The following PCDH15 variants were observed in gnomAD, a reference collection of about 807,000 sequenced individuals.
The protein encoded by PCDH15 is protocadherin-15.
A neutral mutation model predicts 178.5 loss-of-function variants in PCDH15; 129 were observed. The observed-to-expected ratio is 0.72, with a 90% confidence interval of 0.63 to 0.84. The LOEUF (loss-of-function observed/expected upper bound fraction) is 0.84. Ranked by LOEUF, PCDH15 falls within the 40% of genes least tolerant of loss-of-function variation. The probability of loss-of-function intolerance (pLI) is 0.00; values close to 1 mark genes in which losing one functional copy is unlikely to be tolerated. For synonymous variants in PCDH15, 800 were observed against 732.0 expected, an observed-to-expected ratio of 1.09 and a Z score of -1.50; for missense variants, 2,230 against 2,099.9, an observed-to-expected ratio of 1.06 and a Z score of -1.21.
intron 2 of PCDH15, among the ~76,000 whole-genome samples, chr10:55,569,214 A>G (rs150914177): frequency 1.3e-5 from 2 of 152,190 alleles, no homozygotes; most frequent in African/African-American, 4.8e-5. Flanking sequence ...CATTTAAAAG[A>G]AGTATATGGT....
intron 8 of PCDH15, among the ~76,000 whole-genome samples, chr10:54,273,665 A>T (rs2058177588): frequency 6.6e-6 from 1 of 152,162 alleles, no homozygotes; most frequent in Admixed American, 6.6e-5. Flanking sequence ...TCCTTCCAAA[A>T]GTATAGACTT....
intron 17 of PCDH15, among the ~76,000 whole-genome samples, chr10:54,067,716 G>T (rs1164792196): frequency 6.6e-6 from 1 of 151,394 alleles, no homozygotes; most frequent in Non-Finnish European, 1.5e-5. Flanking sequence ...ATATTAACCT[G>T]GAAAGTAAGA....
chr10:54,421,979 G>C (rs1955582845), intron 3 of PCDH15, among the ~76,000 whole-genome samples: 2 of 141,868 alleles, frequency 1.4e-5, no homozygotes, highest in Non-Finnish European at 3.0e-5. Flanking sequence ...GGAGGGCATT[G>C]TTAATCCTTT....
chr10:55,213,423 G>A (rs1840620237), intron 1 of PCDH15, among the ~76,000 whole-genome samples: 3 of 151,972 alleles, frequency 2.0e-5, no homozygotes, highest in African/African-American at 7.3e-5. Flanking sequence ...GATTAAAACA[G>A]TTACCAGGGG....
At chr10:54,938,919 T>C (rs982125024) in intron 2 of PCDH15, among the ~76,000 whole-genome samples, 1 of 152,126 alleles carries the variant, frequency 6.6e-6, no homozygotes, top group Admixed American at 6.6e-5. Flanking sequence ...GTGGCTAGCA[T>C]CTAGATTCTG....
intron 2 of PCDH15, among the ~76,000 whole-genome samples, chr10:55,406,368 C>G (rs1440312684): frequency 6.6e-6 from 1 of 151,938 alleles, no homozygotes; most frequent in African/African-American, 2.4e-5. Context: ...TGAAATATTT[C>G]AAGTGACAAA....
intron 1 of PCDH15, among the ~76,000 whole-genome samples, chr10:55,205,828 T>C (rs1368581199): frequency 6.6e-6 from 1 of 152,090 alleles, no homozygotes; most frequent in Non-Finnish European, 1.5e-5. Flanking sequence ...GAAAGAGGTT[T>C]ATTGAACTTA....
At chr10:55,228,157 G>A (rs1414223607) in intron 1 of PCDH15, among the ~76,000 whole-genome samples, 1 of 152,008 alleles carries the variant, frequency 6.6e-6, no homozygotes, top group African/African-American at 2.4e-5. Flanking sequence ...ACCATGCTGA[G>A]GTGGGTGAAA....
At chr10:54,872,358 A>G (rs1954054581) in intron 3 of PCDH15, among the ~76,000 whole-genome samples, 2 of 152,134 alleles carry the variant, frequency 1.3e-5, no homozygotes, top group African/African-American at 4.8e-5. Context: ...TCTGAAAATA[A>G]AGGTCAAAAG....
intron 25 of PCDH15, among the ~76,000 whole-genome samples, chr10:53,911,360 C>G (rs909771108): frequency 3.3e-5 from 5 of 152,174 alleles, no homozygotes; most frequent in African/African-American, 1.2e-4. Flanking sequence ...TGAACGACTA[C>G]TGGGTAAATA....
chr10:54,194,502 T>C (rs2049367106), intron 11 of PCDH15, among the ~76,000 whole-genome samples: 1 of 151,982 alleles, frequency 6.6e-6, no homozygotes, highest in Admixed American at 6.6e-5. Flanking sequence ...AAGGGAGAAA[T>C]GAATGAATCA....
intron 21 of PCDH15, among the ~76,000 whole-genome samples, chr10:53,988,564 T>C (rs2091263016): frequency 6.6e-6 from 1 of 152,148 alleles, no homozygotes; most frequent in Non-Finnish European, 1.5e-5. Flanking sequence ...AGGACAAAGA[T>C]AAGACCAGGA....
intron 3 of PCDH15, among the ~76,000 whole-genome samples, chr10:54,861,819 C>T (rs1953848497): frequency 1.3e-5 from 2 of 152,278 alleles, no homozygotes; most frequent in South Asian, 4.1e-4. Context: ...CCAAAAGACT[C>T]CTACATCTAT....
chr10:54,426,723 G>A (rs534133188), intron 3 of PCDH15, among the ~76,000 whole-genome samples: 5 of 151,740 alleles, frequency 3.3e-5, no homozygotes, highest in African/African-American at 9.7e-5. Flanking sequence ...ACTTTTACAC[G>A]GCCCCTACTG....
At chr10:55,571,087 C>T (rs932013999) in intron 2 of PCDH15, among the ~76,000 whole-genome samples, 1 of 152,050 alleles carries the variant, frequency 6.6e-6, no homozygotes, top group African/African-American at 2.4e-5. Context: ...TGGATCATGG[C>T]AGGTGGCTCC....
intron 3 of PCDH15, among the ~76,000 whole-genome samples, chr10:54,451,658 A>C (rs149147032): frequency 6.6e-6 from 1 of 152,086 alleles, no homozygotes; most frequent in African/African-American, 2.4e-5. Context: ...AAAATCTAAT[A>C]TTTAAGAATT....
rs1292267943 is a variant in PCDH15, at chr10:54,702,043, C to T, written c.-28-37753G>A. 2.0e-5 allele frequency among the ~76,000 whole-genome samples: 3 copies of T among 151,952 alleles called. No homozygotes were observed. The East Asian group carries it at 5.8e-4, about 29-fold the overall frequency. Reference sequence around the variant, plus strand: ...ACATGACACATACTATATAATCAACCACACAATCACCCATAAGACAATCCT... The same window carrying T: ...ACATGACACATACTATATAATCAACTACACAATCACCCATAAGACAATCCT... On this transcript the variant is annotated intron_variant, in intron 1 of 37. Transcript: ENST00000644397.
chr10:54,912,821 T>A (rs769012912), intron 2 of PCDH15, among the ~76,000 whole-genome samples: 9 of 152,136 alleles, frequency 5.9e-5, no homozygotes, highest in South Asian at 2.1e-4. Context: ...ACCAAAATGC[T>A]GAATGGAATA....
intron 28 of PCDH15, among the ~76,000 whole-genome samples, chr10:53,853,419 GGACTACCTCT>G (rs2078522009): frequency 6.6e-6 from 1 of 151,942 alleles, no homozygotes; most frequent in Admixed American, 6.6e-5. Flanking sequence ...ATAGACAGAT[GGACTACCTCT>G]GACTTTAAAA....
Sources: gnomAD v4.1 joint callset for allele counts (sites outside exome capture counted in the v4.1 genomes callset) on GRCh38, gnomAD v4.1.1 for gene constraint, MANE v1.5 for transcripts, NCBI Gene and HGNC (gene_info 2026-07-23, HGNC 2026-07-21) for gene names.